TRAPPC8: variants seen among roughly 807,000 people sequenced by gnomAD.
TRAPPC8 encodes the protein trafficking protein particle complex subunit 8.
TRAPPC8 carries 54 observed loss-of-function variants against 174.3 expected under a neutral mutation model. The observed-to-expected ratio is 0.31, with a 90% CI of 0.25 to 0.39. The LOEUF (loss-of-function observed/expected upper bound fraction) is 0.39. TRAPPC8 is among the 10% of genes least tolerant of loss of function. The pLI, the probability that TRAPPC8 is intolerant of heterozygous loss-of-function variation, is 1.00. For synonymous variants in TRAPPC8, 630 were observed against 579.9 expected, an observed-to-expected ratio of 1.09 and a Z score of -1.24; for missense variants, 1,531 against 1,699.1, an observed-to-expected ratio of 0.90 and a Z score of 1.74.
rs974006583 is a variant in TRAPPC8 at position 31,829,256 on chromosome 18, ATTTT to A, written c.*1495_*1498del. ...TTCAGTTGTAGGTTTATATAGTTTAATTTTTTTATTAGTGTCTGTTTAACAATCG... is the reference window on the plus strand; with the variant it reads ...TTCAGTTGTAGGTTTATATAGTTTAATTTATTAGTGTCTGTTTAACAATCG... On this transcript the variant is annotated 3_prime_UTR_variant, in exon 29 of 29. Coordinates refer to ENST00000283351, the MANE Select transcript of TRAPPC8 (RefSeq NM_014939.5). 1.3e-5 allele frequency: 2 copies of A among 152,104 alleles called. No homozygotes were observed. Among genetic ancestry groups the A allele is most frequent in the African/African-American group, 2.4e-5 (1 of 41,404 alleles). 9.4% of individuals were successfully genotyped at this position (152,104 alleles called of 1,614,324 possible). A position where few individuals can be genotyped will look rare whatever the true frequency, so the allele number is the denominator to read the frequency against.
At chr18:31,927,777 T>C (rs2037680442) in intron 2 of TRAPPC8, among the ~76,000 whole-genome samples, 1 of 152,174 alleles carries the variant, frequency 6.6e-6, no homozygotes, top group South Asian at 2.1e-4. Flanking sequence ...AAGATACTTT[T>C]GGTCAGCATC....
chr18:31,915,869 A>ACC (rs1175363737), intron 4 of TRAPPC8, among the ~76,000 whole-genome samples: 1 of 148,264 alleles, frequency 6.7e-6, no homozygotes, highest in Non-Finnish European at 1.5e-5. Context: ...CCTGGGCGAC[A>ACC]GAGTGAGACT....
At chr18:31,836,920 C>A (rs899212056) in intron 27 of TRAPPC8, among the ~76,000 whole-genome samples, 8 of 152,008 alleles carry the variant, frequency 5.3e-5, no homozygotes, top group Non-Finnish European at 1.2e-4. Context: ...CGCCACCACA[C>A]CCGGCTAATT....
At chr18:31,843,875 T>C (rs116844143) in intron 26 of TRAPPC8, among the ~76,000 whole-genome samples, 2,432 of 152,324 alleles carry the variant, frequency 0.016, 27 homozygotes, top group East Asian at 0.053. Context: ...TATTATGAAA[T>C]ATTATAGCTG....
intron 2 of TRAPPC8, among the ~76,000 whole-genome samples, chr18:31,930,417 G>C (rs2037800133): frequency 6.6e-6 from 1 of 152,140 alleles, no homozygotes; most frequent in Admixed American, 6.6e-5. Context: ...ACCACGCCTG[G>C]CTGCTTAGGA....
At chr18:31,933,752 T>C (rs536191243) in intron 1 of TRAPPC8, among the ~76,000 whole-genome samples, 2 of 152,256 alleles carry the variant, frequency 1.3e-5, no homozygotes, top group Admixed American at 1.3e-4. Context: ...GTTATATGCA[T>C]ACAAACTTTT....
chr18:31,893,710 T>C lies in TRAPPC8; in HGVS notation c.1597-2844A>G, dbSNP rs144104674. Among the ~76,000 whole-genome samples the C allele has an allele frequency of 4.5e-3, 678 of 152,278 alleles. 1 individual carries two copies. Among genetic ancestry groups the C allele is most frequent in the African/African-American group, 0.016 (653 of 41,558 alleles). On this transcript the variant is annotated intron_variant, in intron 11 of 28. Transcript: ENST00000283351. Reference sequence around the variant, plus strand: ...ATATTTTAATATCTAAAATAGGTAATTCTCCCTAATTATTGTTTCTATTTC... The same window carrying C: ...ATATTTTAATATCTAAAATAGGTAACTCTCCCTAATTATTGTTTCTATTTC...
intron 4 of TRAPPC8, among the ~76,000 whole-genome samples, chr18:31,914,194 C>T (rs2037039546): frequency 6.7e-6 from 1 of 148,560 alleles, no homozygotes; most frequent in Non-Finnish European, 1.5e-5. Context: ...GAAAACTAAC[C>T]ACATTCAAAT....
At chr18:31,937,268 C>T (rs2038147744) in intron 1 of TRAPPC8, among the ~76,000 whole-genome samples, 2 of 152,202 alleles carry the variant, frequency 1.3e-5, no homozygotes, top group African/African-American at 4.8e-5. Flanking sequence ...CAGTGGCTCG[C>T]GCCTGTAATC....
intron 12 of TRAPPC8, among the ~76,000 whole-genome samples, chr18:31,882,383 A>T (rs78298384): frequency 0.022 from 3,373 of 152,236 alleles, 115 homozygotes; most frequent in African/African-American, 0.076. Flanking sequence ...GCTCTCACTT[A>T]TAAGTGGGAG....
intron 1 of TRAPPC8, among the ~76,000 whole-genome samples, chr18:31,936,902 TAAA>T (rs376783471): frequency 6.3e-4 from 58 of 92,512 alleles, no homozygotes; most frequent in African/African-American, 2.6e-3. Flanking sequence ...ACTCCGTCTT[TAAA>T]AAAAAAAAAA....
chr18:31,935,289 C>T (rs552067306), intron 1 of TRAPPC8, among the ~76,000 whole-genome samples: 85 of 146,336 alleles, frequency 5.8e-4, no homozygotes, highest in African/African-American at 1.8e-3. Context: ...TGCAGTGAGC[C>T]GAGATTGCGC....
rs529574871 is a variant in TRAPPC8 at position 31,910,301 on chromosome 18, A to T, written c.772-541T>A. Among the ~76,000 whole-genome samples, 3 of 152,274 alleles carry T rather than the reference A, an allele frequency of 2.0e-5. No individual in the cohort carries two copies. In the South Asian group the frequency reaches 6.2e-4, roughly 32 times the overall value. The stretch of plus-strand genomic sequence containing the variant: ...TAACAAAAAAACACTTAAACTAAAA[A>T]TACCCAGACTACTCTACAAGACCAG... On this transcript the variant is annotated intron_variant, in intron 5 of 28. Coordinates refer to ENST00000283351, the MANE Select transcript of TRAPPC8 (RefSeq NM_014939.5).
chr18:31,894,600 A>G (rs1322808547), intron 11 of TRAPPC8, among the ~76,000 whole-genome samples: 1 of 149,258 alleles, frequency 6.7e-6, no homozygotes, highest in Non-Finnish European at 1.5e-5. Flanking sequence ...TATGTACAGG[A>G]AAAAAAAAAT....
intron 2 of TRAPPC8, chr18:31,926,651 G>A (rs767394892): frequency 5.9e-5 from 9 of 152,058 alleles, no homozygotes; most frequent in Non-Finnish European, 1.2e-4. Flanking sequence ...AGTCAGGCTG[G>A]TCTTGAACTC....
chr18:31,867,646 T>G (rs572335074), intron 16 of TRAPPC8, among the ~76,000 whole-genome samples, 170 bp from the exon 17 acceptor site: 1 of 152,102 alleles, frequency 6.6e-6, no homozygotes, highest in African/African-American at 2.4e-5. Context: ...ACAACTAGAG[T>G]AGACCCAGGC....
intron 12 of TRAPPC8, among the ~76,000 whole-genome samples, chr18:31,885,897 T>C (rs954965599): frequency 1.3e-5 from 2 of 151,446 alleles, no homozygotes; most frequent in African/African-American, 4.9e-5. Context: ...CCTAAGGTAT[T>C]TGAGGATAAT....
chr18:31,927,698 T>G (rs1201011187), intron 2 of TRAPPC8, among the ~76,000 whole-genome samples: 1 of 152,204 alleles, frequency 6.6e-6, no homozygotes, highest in African/African-American at 2.4e-5. Context: ...CGACTATGCC[T>G]GGCCTTAATA....
chr18:31,901,049 A>T, intron 9 of TRAPPC8, 24 bp from the exon 10 acceptor site: 1 of 1,556,698 alleles, frequency 6.4e-7, no homozygotes, highest in Non-Finnish European at 8.7e-7. Context: ...CATAGTTTAC[A>T]TATTTCAAAA....
Sources: allele counts gnomAD v4.1 joint callset (sites outside exome capture counted in the v4.1 genomes callset), GRCh38; gene constraint gnomAD v4.1.1; transcripts MANE v1.5; gene names NCBI Gene and HGNC (gene_info 2026-07-23, HGNC 2026-07-21).